ERAP2: variants seen among roughly 807,000 people sequenced by gnomAD.
The protein encoded by ERAP2 is endoplasmic reticulum aminopeptidase 2.
A neutral mutation model predicts 111.1 loss-of-function variants in ERAP2; 118 were observed. That is an observed-to-expected ratio of 1.06 (90% CI 0.92 to 1.24). The LOEUF is 1.24. Ranked by LOEUF, ERAP2 falls within the 50% of genes most tolerant of loss-of-function variation. ERAP2 has a pLI of 0.00. For synonymous variants in ERAP2, 410 were observed against 401.2 expected (o/e 1.02, Z -0.26); for missense variants, 1,131 against 1,125.8 (o/e 1.00, Z -0.07).
intron 3 of ERAP2, among the ~76,000 whole-genome samples, chr5:96,884,249 G>A (rs1045551981): frequency 6.6e-6 from 1 of 152,096 alleles, no homozygotes; most frequent in Non-Finnish European, 1.5e-5. Flanking sequence ...ATTTCCTAGA[G>A]CAGTACTTCT....
Position 96,879,586 on chromosome 5 carries a change from A to C in ERAP2, c.-100A>C. The stretch of plus-strand genomic sequence containing the variant: ...TAGATTAAATTCATGTATTGAAAAT[A>C]TTGTTCAGACCCCATGTGACATAAC... On this transcript the variant is annotated 5_prime_UTR_variant, in exon 2 of 19. Transcript: ENST00000437043. 1.2e-6 allele frequency: 1 copy of C among 834,670 alleles called. No homozygotes were observed. The highest frequency in any genetic ancestry group is 1.9e-6 in the Non-Finnish European group (1 of 528,812). The allele number at this position is 834,670 out of a possible 1,614,324, so 51.7% of individuals were successfully genotyped here.
Position 96,904,379 on chromosome 5 carries a change from CAT to C in ERAP2, c.2012+823_2012+824del, listed in dbSNP as rs368613764. Among the ~76,000 whole-genome samples, 14 of 152,254 alleles carry C rather than the reference CAT, an allele frequency of 9.2e-5. No homozygotes were observed. The East Asian group carries it at 1.9e-3, about 21-fold the overall frequency. On this transcript the variant is annotated intron_variant, in intron 13 of 18. Coordinates refer to ENST00000437043, the MANE Select transcript of ERAP2 (RefSeq NM_022350.5). ...GATGCACTCACTTTACTCAATGTGA[CAT>C]ATAATTTTCTTTCAGGAGCTTATTT...
At chr5:96,886,826 A>T (rs765032500) in intron 4 of ERAP2, 37 bp downstream of exon 4, 2 of 1,370,206 alleles carry the variant, frequency 1.5e-6, no homozygotes, top group South Asian at 4.3e-5. Flanking sequence ...CAGTGCAGAA[A>T]AGTGTCCTGA....
chr5:96,887,072 A>AGTGT (rs200811208), intron 4 of ERAP2, among the ~76,000 whole-genome samples: 11 of 61,702 alleles, frequency 1.8e-4, no homozygotes, highest in African/African-American at 4.4e-4. Flanking sequence ...TAATTTTCAA[A>AGTGT]GTATATATAT....
In ERAP2 at chr5:96,914,803, G is replaced by A. The variant is rs1016371871; in HGVS notation, c.2658-885G>A. On this transcript the variant is annotated intron_variant, in intron 17 of 18. Coordinates refer to ENST00000437043, the MANE Select transcript of ERAP2 (RefSeq NM_022350.5). ...CCACTAAACACAATGTTTAAACACA[G>A]TGGTATCCAAAATGGGATGAGGAAG... Among the ~76,000 whole-genome samples the A allele has an allele frequency of 1.1e-4, 16 of 152,148 alleles. 1 individual carries two copies. Among genetic ancestry groups the A allele is most frequent in the Non-Finnish European group, 1.5e-4 (10 of 68,034 alleles).
At chr5:96,880,769 T>G (rs1032013927) in intron 2 of ERAP2, among the ~76,000 whole-genome samples, 1 of 152,252 alleles carries the variant, frequency 6.6e-6, no homozygotes, top group African/African-American at 2.4e-5. Context: ...GCACATACTA[T>G]GTGCCAGGCA....
At chr5:96,914,141 C>T (rs1298895646) in intron 17 of ERAP2, among the ~76,000 whole-genome samples, 2 of 111,526 alleles carry the variant, frequency 1.8e-5, no homozygotes, top group Non-Finnish European at 3.8e-5. Context: ...CTCTCTCTCT[C>T]TCTCTCTCAC....
rs1243766046 is a variant in ERAP2 at position 96,903,570 on chromosome 5, C to T, written c.2012+10C>T. On this transcript the variant is annotated intron_variant, in intron 13 of 18. Transcript: ENST00000437043. Reference sequence around the variant, plus strand: ...TGTTTCAGCTAGTTGGGTAAGGCAACATTTCCTCTGACTTCATGCAAAATA... The same window carrying T: ...TGTTTCAGCTAGTTGGGTAAGGCAATATTTCCTCTGACTTCATGCAAAATA... 6.3e-6 allele frequency: 10 copies of T among 1,584,456 alleles called. No homozygotes were observed. The highest frequency in any genetic ancestry group is 1.4e-5 in the African/African-American group (1 of 73,750).
At chr5:96,882,471 A>G (rs112752453) in intron 2 of ERAP2, among the ~76,000 whole-genome samples, 2 of 152,318 alleles carry the variant, frequency 1.3e-5, no homozygotes, top group South Asian at 2.1e-4. Context: ...GTACTGCACA[A>G]TGTCAATTGA....
intron 13 of ERAP2, among the ~76,000 whole-genome samples, chr5:96,903,850 C>T (rs982121557): frequency 6.6e-6 from 1 of 152,148 alleles, no homozygotes; most frequent in South Asian, 2.1e-4. Context: ...ATCCTGTGGG[C>T]CACAGGATAG....
rs778143988 is a variant in ERAP2 at position 96,909,784 on chromosome 5, C to T, written c.2354+20C>T. On this transcript the variant is annotated intron_variant, in intron 15 of 18. Transcript: ENST00000437043. ...ATTAAAGTAGATGTAGACTTCTGTC[C>T]TACCCTTTGTTCTTTTCTCTTTGAT... 5.0e-6 allele frequency: 8 copies of T among 1,608,948 alleles called. No homozygotes were observed. In the Admixed American group the frequency reaches 6.7e-5, roughly 13 times the overall value.
At chr5:96,897,314 C>T (rs184120538) in intron 9 of ERAP2, among the ~76,000 whole-genome samples, 3 of 152,302 alleles carry the variant, frequency 2.0e-5, no homozygotes, top group Admixed American at 2.0e-4. Context: ...AGTGCCTTTA[C>T]TAGCTGAAAT....
rs578167730 is a variant in ERAP2, at chr5:96,915,235, C to G, written c.2658-453C>G. ...TGCTGGTCAGGCAGGTCTCAAACTC[C>G]TGACCTCAGGTGATCCACCCACCTC... On this transcript the variant is annotated intron_variant, in intron 17 of 18. Transcript: ENST00000437043. Among the ~76,000 whole-genome samples the G allele has an allele frequency of 5.3e-4, 81 of 152,256 alleles. No homozygotes were observed. The South Asian group carries it at 0.016, about 31-fold the overall frequency.
chr5:96,899,968 C>T (rs1266483075), intron 9 of ERAP2, among the ~76,000 whole-genome samples, 153 bp from the exon 10 acceptor site: 1 of 152,150 alleles, frequency 6.6e-6, no homozygotes, highest in Non-Finnish European at 1.5e-5. Flanking sequence ...TCACTGCAAA[C>T]ATGCCTTTTT....
chr5:96,889,951 A>G (rs879554970), intron 5 of ERAP2, among the ~76,000 whole-genome samples: 9 of 152,162 alleles, frequency 5.9e-5, no homozygotes, highest in Non-Finnish European at 1.3e-4. Context: ...AAAGTTGTCA[A>G]AAGTTTATGT....
At chr5:96,893,852 CT>C in intron 6 of ERAP2, among the ~76,000 whole-genome samples, 1 of 152,278 alleles carries the variant, frequency 6.6e-6, no homozygotes, top group Non-Finnish European at 1.5e-5. Context: ...CATCTCTTGC[CT>C]ACACCTAAGC....
At position 96,879,973 on chromosome 5, in the gene ERAP2, G is replaced by A. The variant is rs369951421; in HGVS notation, c.288G>A (p.Lys96=). The change falls in exon 2 of 19, where the codon AAG becomes AAA. Residue 96 remains lysine, a synonymous_variant. Coordinates refer to ENST00000437043, the MANE Select transcript of ERAP2 (RefSeq NM_022350.5). ...LTSLDFVASE[K]IEVLVSNATQ... ...CTCTGGACTTTGTTGCATCTGAGAA[G>A]ATCGAAGTCTTGGTCAGCAATGCTA... The A allele has an allele frequency of 1.1e-5, 18 of 1,614,070 alleles. No homozygotes were observed. In the African/African-American group the frequency reaches 2.4e-4, roughly 22 times the overall value.
chr5:96,888,496 C>T (rs919843918), intron 4 of ERAP2, among the ~76,000 whole-genome samples: 1 of 152,176 alleles, frequency 6.6e-6, no homozygotes, highest in East Asian at 1.9e-4. Flanking sequence ...AGATTTTATA[C>T]GTAAGCATTC....
chr5:96,915,540 G>A (rs1011918054), intron 17 of ERAP2, 148 bp from the exon 18 acceptor site: 1 of 417,342 alleles, frequency 2.4e-6, no homozygotes, highest in Non-Finnish European at 4.2e-6. Flanking sequence ...TGTACTGGAT[G>A]AATGTTATTA....
Sources: allele counts gnomAD v4.1 joint callset (sites outside exome capture counted in the v4.1 genomes callset), GRCh38; gene constraint gnomAD v4.1.1; transcripts MANE v1.5; gene names NCBI Gene and HGNC (gene_info 2026-07-23, HGNC 2026-07-21).